Variants in TRPC5 observed in about 807,000 individuals in gnomAD.
TRPC5 encodes transient receptor potential cation channel subfamily C member 5.
In TRPC5, 9 loss-of-function variants were observed where a neutral mutation model predicts 56.5. The ratio of observed to expected loss-of-function variants is 0.16; its 90% CI spans 0.10 to 0.28. TRPC5 has a LOEUF of 0.28. TRPC5 is among the 10% of genes least tolerant of loss of function. The pLI is 1.00. For synonymous variants in TRPC5, 282 were observed against 278.5 expected (o/e 1.01, Z -0.13); for missense variants, 469 against 748.9 (o/e 0.63, Z 4.36).
chrX:111,920,235 A>G (rs1404517379), intron 2 of TRPC5, among the ~76,000 whole-genome samples: 1 of 111,205 alleles, frequency 9.0e-6, no homozygotes, highest in Non-Finnish European at 1.9e-5. Flanking sequence ...AGATCGCACC[A>G]CTACACTCCA....
chrX:111,913,909 G>A (rs1021001400), intron 2 of TRPC5, among the ~76,000 whole-genome samples: 1 of 105,687 alleles, frequency 9.5e-6, no homozygotes, highest in Non-Finnish European at 1.9e-5. Context: ...GCAGTGAGCC[G>A]AGATCACGCC....
chrX:111,864,238 T>A, intron 3 of TRPC5, among the ~76,000 whole-genome samples: 1 of 111,677 alleles, frequency 9.0e-6, no homozygotes, highest in Non-Finnish European at 1.9e-5. Context: ...TCCGCAGGCC[T>A]CCACCTCCCA....
intron 1 of TRPC5, among the ~76,000 whole-genome samples, chrX:112,034,828 C>T (rs1220372090): frequency 2.8e-5 from 3 of 107,496 alleles, no homozygotes; most frequent in Non-Finnish European, 5.8e-5. Flanking sequence ...GTTGCTTTCA[C>T]TTCTGATTTT....
chrX:111,976,639 A>C (rs1397983835), intron 1 of TRPC5, among the ~76,000 whole-genome samples: 1 of 111,253 alleles, frequency 9.0e-6, no homozygotes, highest in Non-Finnish European at 1.9e-5. Context: ...TACCCAGAGC[A>C]ATTAGGCAAG....
intron 1 of TRPC5, among the ~76,000 whole-genome samples, chrX:111,968,149 C>G (rs1225320210): frequency 2.7e-5 from 3 of 111,493 alleles, no homozygotes; most frequent in Non-Finnish European, 3.8e-5. Context: ...AAAACCCCAT[C>G]AAAAAGTGGG....
At chrX:111,947,819 A>G (rs1346163893) in intron 2 of TRPC5, among the ~76,000 whole-genome samples, 1 of 112,085 alleles carries the variant, frequency 8.9e-6, no homozygotes, top group Non-Finnish European at 1.9e-5. Context: ...GATGTAATAC[A>G]GCAGTGAACA....
At chrX:112,040,315 C>T (rs779355692) in intron 1 of TRPC5, among the ~76,000 whole-genome samples, 2 of 112,416 alleles carry the variant, frequency 1.8e-5, no homozygotes, top group African/African-American at 3.2e-5. Flanking sequence ...CTAAGTGCTA[C>T]GTTAAAAACA....
chrX:111,797,134 G>T (rs774079823), intron 7 of TRPC5, among the ~76,000 whole-genome samples: 14 of 111,563 alleles, frequency 1.3e-4, no homozygotes, highest in Non-Finnish European at 2.4e-4. Flanking sequence ...CTTTCATTTT[G>T]CTCTCCAAGG....
At chrX:111,905,697 G>C (rs891153726) in intron 3 of TRPC5, among the ~76,000 whole-genome samples, 1 of 108,426 alleles carries the variant, frequency 9.2e-6, no homozygotes, top group African/African-American at 3.4e-5. Flanking sequence ...AGTGGATCAC[G>C]AGGTCAGGAG....
chrX:111,861,350 A>G (rs991853481), intron 3 of TRPC5, among the ~76,000 whole-genome samples: 4 of 112,321 alleles, frequency 3.6e-5, no homozygotes, highest in African/African-American at 1.3e-4. Context: ...ATGTGTTTAC[A>G]CAGAGTTTTA....
At chrX:111,895,547 C>T (rs1569527601) in intron 3 of TRPC5, among the ~76,000 whole-genome samples, 1 of 110,231 alleles carries the variant, frequency 9.1e-6, no homozygotes, top group South Asian at 3.9e-4. Context: ...GTTTTTTGTC[C>T]TCTGGGAAAT....
chrX:111,804,982 G>T lies in TRPC5; in HGVS notation c.1897-22844C>A, dbSNP rs908513700. Among the ~76,000 whole-genome samples the T allele has an allele frequency of 2.7e-5, 3 of 111,835 alleles. No individual in the cohort carries two copies. The East Asian group carries it at 8.4e-4, about 31-fold the overall frequency. On this transcript the variant is annotated intron_variant, in intron 7 of 10. Coordinates refer to ENST00000262839, the MANE Select transcript of TRPC5 (RefSeq NM_012471.3). ...GCACTTTCAGAATGATATTGGCTGT[G>T]GGTTTGTCATAAATAGCTCTTATTA...
intron 1 of TRPC5, among the ~76,000 whole-genome samples, chrX:111,976,141 G>T (rs1927921873): frequency 9.0e-6 from 1 of 111,685 alleles, no homozygotes; most frequent in African/African-American, 3.3e-5. Context: ...TGAATATGGA[G>T]GCTGGGCATG....
intron 9 of TRPC5, among the ~76,000 whole-genome samples, chrX:111,779,637 A>G (rs188945176): frequency 1.5e-4 from 17 of 112,333 alleles, no homozygotes; most frequent in African/African-American, 5.2e-4. Flanking sequence ...ACTTACTGCA[A>G]TGTGTCAGGC....
At chrX:111,978,008 C>T (rs73266330) in intron 1 of TRPC5, among the ~76,000 whole-genome samples, 3,437 of 111,061 alleles carry the variant, frequency 0.031, 61 homozygotes, top group Middle Eastern at 0.07. Context: ...TTTTTGTACA[C>T]TCTTGTGGGA....
intron 2 of TRPC5, among the ~76,000 whole-genome samples, chrX:111,929,535 A>G (rs1010169674): frequency 7.2e-5 from 8 of 111,531 alleles, no homozygotes; most frequent in Non-Finnish European, 1.3e-4. Context: ...ATCCCTCACA[A>G]CTCCAGATGT....
intron 1 of TRPC5, among the ~76,000 whole-genome samples, chrX:111,977,169 A>G (rs1927953008): frequency 8.9e-6 from 1 of 111,912 alleles, no homozygotes; most frequent in Non-Finnish European, 1.9e-5. Flanking sequence ...ACTACAAAAG[A>G]CCTGAAACAG....
chrX:111,860,667 C>T (rs761485986), intron 3 of TRPC5, among the ~76,000 whole-genome samples: 1 of 112,037 alleles, frequency 8.9e-6, no homozygotes, highest in African/African-American at 3.2e-5. Flanking sequence ...TACAATAACC[C>T]AACATAACAA....
chrX:111,896,461 C>G (rs1237881472), intron 3 of TRPC5: 1 of 109,803 alleles, frequency 9.1e-6, no homozygotes, highest in African/African-American at 3.3e-5. Context: ...ATAGGCCGAG[C>G]CTTGATATCC....
Sources: gnomAD v4.1 joint callset for allele counts (sites outside exome capture counted in the v4.1 genomes callset) on GRCh38, gnomAD v4.1.1 for gene constraint, MANE v1.5 for transcripts, NCBI Gene and HGNC (gene_info 2026-07-23, HGNC 2026-07-21) for gene names.